DENND5B: variants seen among roughly 807,000 people sequenced by gnomAD.
DENND5B encodes DENN domain-containing protein 5B.
In DENND5B, 34 loss-of-function variants were observed where a neutral mutation model predicts 140.6. The observed-to-expected ratio is 0.24, with a 90% CI of 0.18 to 0.32. DENND5B has a LOEUF of 0.32. Among genes scored for constraint, DENND5B ranks in the 10% least tolerant of loss-of-function variants. The probability of loss-of-function intolerance (pLI) is 1.00; values close to 1 mark genes in which losing one functional copy is unlikely to be tolerated. For missense variants in DENND5B, 1,142 were observed against 1,560.2 expected, an observed-to-expected ratio of 0.73 and a Z score of 4.52; for synonymous variants, 551 against 562.1, an observed-to-expected ratio of 0.98 and a Z score of 0.28.
At chr12:31,472,726 A>G (rs978561367) in intron 3 of DENND5B, among the ~76,000 whole-genome samples, 1 of 152,190 alleles carries the variant, frequency 6.6e-6, no homozygotes, top group Non-Finnish European at 1.5e-5. Flanking sequence ...AAATGTAAGA[A>G]GGGAAAGATT....
Position 31,389,440 on chromosome 12 carries a change from G to A in DENND5B, c.3525C>T (p.Val1175=). Residue 1175 remains valine, a synonymous_variant, in exon 20 of 21, where the codon GTC becomes GTT. Transcript: ENST00000389082. ...TDQILDNEDD[V]LIQKSSCKTF... is the part of the protein sequence containing the mutation. The stretch of plus-strand genomic sequence containing the variant: ...TTTTGCAGGATGATTTCTGAATAAG[G>A]ACATCATCTTCATTATCTAGAATCT... 3.1e-6 allele frequency: 5 copies of A among 1,607,150 alleles called. No homozygotes were observed. In the South Asian group the frequency reaches 5.6e-5, roughly 18 times the overall value.
At chr12:31,447,031 G>A (rs527456314) in intron 6 of DENND5B, among the ~76,000 whole-genome samples, 11 of 152,280 alleles carry the variant, frequency 7.2e-5, no homozygotes, top group African/African-American at 2.6e-4. Context: ...CAGCACTTTG[G>A]GAGGCTGAGG....
chr12:31,439,371 G>C (rs1251932952), intron 7 of DENND5B, among the ~76,000 whole-genome samples: 1 of 152,116 alleles, frequency 6.6e-6, no homozygotes, highest in Non-Finnish European at 1.5e-5. Context: ...AGAAAATAAG[G>C]CTATAAGATT....
At chr12:31,507,390 C>T (rs774786407) in intron 1 of DENND5B, among the ~76,000 whole-genome samples, 5 of 152,180 alleles carry the variant, frequency 3.3e-5, no homozygotes, top group Non-Finnish European at 7.3e-5. Context: ...CTGCCTGGGC[C>T]TCCCAAAGCA....
chr12:31,519,068 C>A (rs557908661), intron 1 of DENND5B, among the ~76,000 whole-genome samples: 29 of 152,248 alleles, frequency 1.9e-4, no homozygotes, highest in African/African-American at 6.7e-4. Context: ...AAAAGTGGGG[C>A]CTAGCTTCTT....
chr12:31,437,018 A>C (rs1475310624), intron 7 of DENND5B, among the ~76,000 whole-genome samples: 2 of 152,210 alleles, frequency 1.3e-5, no homozygotes, highest in Non-Finnish European at 2.9e-5. Context: ...GTACGCCTCA[A>C]TTATAGTATC....
rs1950603833 is a variant in DENND5B, at chr12:31,591,063, G to C, written c.-231C>G. On this transcript the variant is annotated 5_prime_UTR_variant, in exon 1 of 21. Coordinates refer to ENST00000389082, the MANE Select transcript of DENND5B (RefSeq NM_144973.4). ...CCGGAGCCCGGCCGGGTGGGGGAGG[G>C]GCGCGGGGGGAGTGTCGGCCTGAGA... 1 of 199,992 alleles carries C rather than the reference G, an allele frequency of 5.0e-6. No individual in the cohort carries two copies. The highest frequency in any genetic ancestry group is 6.6e-5 in the Admixed American group (1 of 15,166). The allele number at this position is 199,992 out of a possible 1,614,324, so 12.4% of individuals were successfully genotyped here.
At chr12:31,585,806 A>C (rs976179482) in intron 1 of DENND5B, among the ~76,000 whole-genome samples, 2 of 152,232 alleles carry the variant, frequency 1.3e-5, no homozygotes, top group East Asian at 3.8e-4. Flanking sequence ...AAAGCTAAAA[A>C]TAGCTAGAGA....
chr12:31,387,548 G>T lies in DENND5B; in HGVS notation c.*55C>A. 1 of 1,560,496 alleles carries T rather than the reference G, an allele frequency of 6.4e-7. No homozygotes were observed. The highest frequency in any genetic ancestry group is 8.7e-7 in the Non-Finnish European group (1 of 1,143,562). On this transcript the variant is annotated 3_prime_UTR_variant, in exon 21 of 21. Transcript: ENST00000389082. ...ACTACTGTCAGACAAGTCCAAATCG[G>T]TCCCCTAGTTGGGGAAGGAGCAAGG...
At chr12:31,488,055 A>C (rs1287922807) in intron 2 of DENND5B, among the ~76,000 whole-genome samples, 1 of 152,036 alleles carries the variant, frequency 6.6e-6, no homozygotes, top group Non-Finnish European at 1.5e-5. Flanking sequence ...TCCTGAGTTC[A>C]AGCAATTCTC....
chr12:31,419,580 C>G (rs1356375043), intron 11 of DENND5B, among the ~76,000 whole-genome samples: 1 of 152,030 alleles, frequency 6.6e-6, no homozygotes. Context: ...GTACCATGTA[C>G]AGTCTATAGG....
intron 11 of DENND5B, among the ~76,000 whole-genome samples, chr12:31,419,736 G>T (rs1942930875): frequency 6.6e-6 from 1 of 152,086 alleles, no homozygotes; most frequent in Admixed American, 6.6e-5. Flanking sequence ...CACTTTGGGA[G>T]GCTGAGGCGG....
At position 31,465,304 on chromosome 12, in the gene DENND5B, T is replaced by C. The variant is rs61737607; in HGVS notation, c.905-4923A>G. 1,294 of 152,512 alleles carry C rather than the reference T, an allele frequency of 8.5e-3. 13 individuals carry two copies. The highest frequency in any genetic ancestry group is 0.013 in the African/African-American group (531 of 41,600). 9.4% of individuals were successfully genotyped at this position (152,512 alleles called of 1,614,324 possible). On this transcript the variant is annotated intron_variant, in intron 3 of 20. Coordinates refer to ENST00000389082, the MANE Select transcript of DENND5B (RefSeq NM_144973.4). The stretch of plus-strand genomic sequence containing the variant: ...GTGAAGCTGCTGGTGGTATCCAGCA[T>C]GCCTCTGGTGGACTTCCTGATGTAG...
chr12:31,487,220 G>GAT (rs1423132850), intron 2 of DENND5B, among the ~76,000 whole-genome samples: 3 of 152,166 alleles, frequency 2.0e-5, no homozygotes, highest in Admixed American at 6.5e-5. Flanking sequence ...GATAGAATGA[G>GAT]ATATAGACTT....
chr12:31,445,280 A>T (rs531423132), intron 6 of DENND5B, among the ~76,000 whole-genome samples: 106 of 152,380 alleles, frequency 7.0e-4, no homozygotes, highest in Non-Finnish European at 1.3e-3. Flanking sequence ...TTCCTGTGCC[A>T]GAAATCAGAC....
rs572436877 is a variant in DENND5B at position 31,590,586 on chromosome 12, G to A, written c.127+120C>T. On this transcript the variant is annotated intron_variant, in intron 1 of 20. Coordinates refer to ENST00000389082, the MANE Select transcript of DENND5B (RefSeq NM_144973.4). Reference sequence around the variant, plus strand: ...CCGAGCGCCAGTTCGGCCAGAAAGCGGCGGGAGGGCGCCACCGGGAGCTGA... The same window carrying A: ...CCGAGCGCCAGTTCGGCCAGAAAGCAGCGGGAGGGCGCCACCGGGAGCTGA... 6.3e-4 allele frequency: 755 copies of A among 1,194,212 alleles called. 3 individuals carry two copies. In the African/African-American group the frequency reaches 0.011, roughly 18 times the overall value. 74.0% of individuals were successfully genotyped at this position (1,194,212 alleles called of 1,614,324 possible). A position where few individuals can be genotyped will look rare whatever the true frequency, so the allele number is the denominator to read the frequency against.
chr12:31,508,475 T>G (rs1947288658), intron 1 of DENND5B, among the ~76,000 whole-genome samples: 1 of 152,230 alleles, frequency 6.6e-6, no homozygotes, highest in Non-Finnish European at 1.5e-5. Flanking sequence ...CAATGCAGTC[T>G]ATTAGTAAAT....
intron 20 of DENND5B, 105 bp from the exon 21 acceptor site, chr12:31,387,891 CA>C: frequency 8.7e-7 from 1 of 1,151,142 alleles, no homozygotes; most frequent in Middle Eastern, 3.0e-4. Context: ...CTTGATGGTA[CA>C]AAATGTATCC....
intron 2 of DENND5B, among the ~76,000 whole-genome samples, chr12:31,487,266 G>A (rs540114072): frequency 2.0e-5 from 3 of 152,314 alleles, no homozygotes; most frequent in East Asian, 1.9e-4. Context: ...TTGGTAGGGG[G>A]TAAAAGCCAC....
Sources: gnomAD v4.1 joint callset for allele counts (sites outside exome capture counted in the v4.1 genomes callset) on GRCh38, gnomAD v4.1.1 for gene constraint, MANE v1.5 for transcripts, NCBI Gene and HGNC (gene_info 2026-07-23, HGNC 2026-07-21) for gene names.